TBC1D31: variants seen among roughly 807,000 people sequenced by gnomAD.
The protein encoded by TBC1D31 is TBC1 domain family member 31, also known as WD repeat domain 67.
In TBC1D31, 99 loss-of-function variants were observed where a neutral mutation model predicts 132.9. That is an observed-to-expected ratio of 0.74 (90% CI 0.63 to 0.88). TBC1D31 has a LOEUF of 0.88. TBC1D31 is among the 40% of genes least tolerant of loss of function. The pLI, the probability that TBC1D31 is intolerant of heterozygous loss-of-function variation, is 0.00. For missense variants in TBC1D31, 1,134 were observed against 1,256.6 expected (o/e 0.90, Z 1.48); for synonymous variants, 385 against 419.4 (o/e 0.92, Z 1.00).
At chr8:123,102,419 A>G (rs1297015711) in intron 7 of TBC1D31, 13 of 361,536 alleles carry the variant, frequency 3.6e-5, no homozygotes. Flanking sequence ...TTAAAAAATT[A>G]TACAAGTAGT....
chr8:123,149,169 AC>A (rs1245240857), intron 20 of TBC1D31, among the ~76,000 whole-genome samples: 4 of 152,202 alleles, frequency 2.6e-5, no homozygotes, highest in Non-Finnish European at 5.9e-5. Flanking sequence ...ATTGCAGATT[AC>A]GTTTACTACC....
rs1223170829 is a variant in TBC1D31 at position 123,120,673 on chromosome 8, CAAAAAT to C, written c.1570+496_1570+501del. Among the ~76,000 whole-genome samples the C allele has an allele frequency of 4.6e-5, 7 of 151,980 alleles. No individual in the cohort carries two copies. The East Asian group carries it at 1.2e-3, about 25-fold the overall frequency. ...GGCAAGACAGAGCAAGACCCCGTCTCAAAAATAAAAATAAAATAATAATAATAATTT... is the reference window on the plus strand; with the variant it reads ...GGCAAGACAGAGCAAGACCCCGTCTCAAAAATAAAATAATAATAATAATTT... On this transcript the variant is annotated intron_variant, in intron 11 of 21. Transcript: ENST00000287380.
At chr8:123,142,154 A>T (rs1360543737) in intron 18 of TBC1D31, 108 bp from the exon 19 acceptor site, 7 of 710,894 alleles carry the variant, frequency 9.8e-6, no homozygotes, top group Non-Finnish European at 1.5e-5. Context: ...ATATGCAGCC[A>T]GAGTTGTGAA....
At chr8:123,116,515 T>C (rs776902435) in intron 10 of TBC1D31, among the ~76,000 whole-genome samples, 5 of 152,178 alleles carry the variant, frequency 3.3e-5, no homozygotes, top group Non-Finnish European at 7.3e-5. Context: ...GTGTTAGTTC[T>C]TAACGTATAT....
intron 17 of TBC1D31, among the ~76,000 whole-genome samples, chr8:123,139,471 A>AT: frequency 6.6e-6 from 1 of 152,288 alleles, no homozygotes; most frequent in Admixed American, 6.5e-5. Context: ...GGGTCAGCAA[A>AT]TGATTGAACA....
At chr8:123,159,913 T>A in the TBC1D31 span, among the ~76,000 whole-genome samples, 1 of 152,316 alleles carries the variant, frequency 6.6e-6, no homozygotes, top group East Asian at 1.9e-4. Flanking sequence ...CTAAACAGTT[T>A]TAGCGTCACA....
intron 5 of TBC1D31, among the ~76,000 whole-genome samples, chr8:123,095,142 C>T (rs11785137): frequency 6.6e-6 from 1 of 151,866 alleles, no homozygotes; most frequent in Non-Finnish European, 1.5e-5. Context: ...TTCCTGTATA[C>T]TGGTTATACC....
At chr8:123,106,349 T>C (rs186904449) in intron 8 of TBC1D31, among the ~76,000 whole-genome samples, 7 of 152,362 alleles carry the variant, frequency 4.6e-5, no homozygotes, top group African/African-American at 1.7e-4. Context: ...TTATCAGATC[T>C]ACTGTCACAG....
intron 11 of TBC1D31, among the ~76,000 whole-genome samples, chr8:123,123,952 A>G (rs1364019406): frequency 6.6e-6 from 1 of 152,138 alleles, no homozygotes; most frequent in Non-Finnish European, 1.5e-5. Flanking sequence ...GTTTTTGTTA[A>G]TCCACAGCAC....
At chr8:123,131,876 T>G (rs1036835450) in intron 16 of TBC1D31, among the ~76,000 whole-genome samples, 2 of 152,214 alleles carry the variant, frequency 1.3e-5, no homozygotes, top group African/African-American at 4.8e-5. Flanking sequence ...TTGCCTTTTT[T>G]TATTGTTAGT....
chr8:123,160,501 C>A, the TBC1D31 span, among the ~76,000 whole-genome samples: 1 of 151,808 alleles, frequency 6.6e-6, no homozygotes, highest in Admixed American at 6.6e-5. Flanking sequence ...GCAGGAGGAG[C>A]AGGAGGAGGA....
At chr8:123,114,099 A>G (rs1156953381) in intron 10 of TBC1D31, among the ~76,000 whole-genome samples, 2 of 152,218 alleles carry the variant, frequency 1.3e-5, no homozygotes, top group Non-Finnish European at 1.5e-5. Context: ...AGACTTCTGT[A>G]TTAAAAGAAT....
chr8:123,126,249 G>T, intron 12 of TBC1D31, 60 bp downstream of exon 12: 1 of 1,536,092 alleles, frequency 6.5e-7, no homozygotes, highest in South Asian at 1.3e-5. Flanking sequence ...CATTGGTTCT[G>T]GTATAAACAG....
chr8:123,115,156 G>T (rs1021641909), intron 10 of TBC1D31, among the ~76,000 whole-genome samples: 7 of 152,040 alleles, frequency 4.6e-5, no homozygotes, highest in African/African-American at 9.7e-5. Flanking sequence ...AGAAAATTCT[G>T]CCAACCCTGG....
At chr8:123,127,260 C>CTTTTTT (rs1563734691) in intron 13 of TBC1D31, among the ~76,000 whole-genome samples, 1 of 91,182 alleles carries the variant, frequency 1.1e-5, no homozygotes, top group Non-Finnish European at 2.2e-5. Context: ...GTGCTTTTTG[C>CTTTTTT]ATTTTTTTTT....
the TBC1D31 span, among the ~76,000 whole-genome samples, chr8:123,158,451 G>A: frequency 1.3e-5 from 2 of 152,078 alleles, no homozygotes; most frequent in African/African-American, 4.8e-5. Context: ...GTGTGTGGAC[G>A]CCCGCGGGTC....
At chr8:123,082,849 A>C in intron 3 of TBC1D31, 32 bp downstream of exon 3, 6 of 1,473,620 alleles carry the variant, frequency 4.1e-6, no homozygotes, top group Non-Finnish European at 5.7e-6. Context: ...CTTTTGAAGC[A>C]GAGTAAAATA....
In TBC1D31 at chr8:123,076,703, C is replaced by G. The variant is rs978241677; in HGVS notation, c.78-408C>G. On this transcript the variant is annotated intron_variant, in intron 1 of 21. Coordinates refer to ENST00000287380, the MANE Select transcript of TBC1D31 (RefSeq NM_145647.4). ...CACGCGTAATTCACTGTGAAACATTCCATACACAAAAACAAAATCTCATAC... is the reference window on the plus strand; with the variant it reads ...CACGCGTAATTCACTGTGAAACATTGCATACACAAAAACAAAATCTCATAC... Among the ~76,000 whole-genome samples, 4 of 152,234 alleles carry G rather than the reference C, an allele frequency of 2.6e-5. No individual in the cohort carries two copies. In the East Asian group the frequency reaches 7.7e-4, roughly 29 times the overall value.
At chr8:123,147,149 C>G (rs1298166675) in intron 20 of TBC1D31, among the ~76,000 whole-genome samples, 2 of 151,676 alleles carry the variant, frequency 1.3e-5, no homozygotes, top group African/African-American at 2.4e-5. Context: ...CCCTCACCCT[C>G]TCACACTTAC....
Sources: gnomAD v4.1 joint callset for allele counts (sites outside exome capture counted in the v4.1 genomes callset) on GRCh38, gnomAD v4.1.1 for gene constraint, MANE v1.5 for transcripts, NCBI Gene and HGNC (gene_info 2026-07-23, HGNC 2026-07-21) for gene names.